The following KCNIP3 variants were observed in gnomAD, a reference collection of about 807,000 sequenced individuals.
KCNIP3 encodes calsenilin.
Under a neutral mutation model 35.0 loss-of-function variants are expected in KCNIP3, and 28 were observed. The observed-to-expected ratio is 0.80, with a 90% CI of 0.59 to 1.10. KCNIP3 has a LOEUF of 1.10. Among genes scored for constraint, KCNIP3 ranks in the 50% least tolerant of loss-of-function variants. KCNIP3 has a pLI of 0.00. For synonymous variants in KCNIP3, 134 were observed against 133.8 expected (o/e 1.00, Z -0.01); for missense variants, 295 against 338.4 (o/e 0.87, Z 1.01).
At chr2:95,327,352 C>A (rs1456848990) in intron 2 of KCNIP3, among the ~76,000 whole-genome samples, 1 of 152,140 alleles carries the variant, frequency 6.6e-6, no homozygotes, top group Non-Finnish European at 1.5e-5. Flanking sequence ...TTTTAAGAAC[C>A]CTGGATGTGC....
intron 2 of KCNIP3, among the ~76,000 whole-genome samples, chr2:95,323,626 C>T (rs542329071): frequency 9.8e-5 from 15 of 152,302 alleles, no homozygotes; most frequent in African/African-American, 2.2e-4. Context: ...CTGGCTCCAC[C>T]GCGTTTTCTG....
chr2:95,343,072 C>G (rs778984497), intron 2 of KCNIP3, among the ~76,000 whole-genome samples: 2 of 151,778 alleles, frequency 1.3e-5, no homozygotes, highest in African/African-American at 4.8e-5. Context: ...CACTGGGGAC[C>G]CATGTTGGGA....
At chr2:95,314,869 G>A (rs181244987) in intron 2 of KCNIP3, among the ~76,000 whole-genome samples, 4 of 152,338 alleles carry the variant, frequency 2.6e-5, no homozygotes, top group Admixed American at 2.0e-4. Context: ...CCCGGGCTCC[G>A]GGCTTGTTCT....
chr2:95,308,879 G>T (rs574647377), intron 1 of KCNIP3, among the ~76,000 whole-genome samples: 1 of 152,286 alleles, frequency 6.6e-6, no homozygotes, highest in Non-Finnish European at 1.5e-5. Context: ...GCTGCTTGAC[G>T]GCCCCGTCCA....
chr2:95,310,552 G>C (rs746250097), intron 2 of KCNIP3, 32 bp downstream of exon 2: 5 of 1,603,550 alleles, frequency 3.1e-6, no homozygotes, highest in Admixed American at 3.3e-5. Context: ...GGTCAAGGGT[G>C]GGGGTGGGGA....
intron 2 of KCNIP3, among the ~76,000 whole-genome samples, chr2:95,348,792 A>G (rs1679441652): frequency 6.6e-6 from 1 of 151,834 alleles, no homozygotes. Context: ...CAGTTGGGGG[A>G]GCTCAGAGCC....
rs1272154711 is a variant in KCNIP3 at position 95,378,811 on chromosome 2, C to T, written c.448-2785C>T. On this transcript the variant is annotated intron_variant, in intron 5 of 8. Coordinates refer to ENST00000295225, the MANE Select transcript of KCNIP3 (RefSeq NM_013434.5). This position sits in a 1 kb window ranked among gnomAD's most constrained non-coding sequence, Gnocchi z 4.0. ...ACACACACACATATATATATATACA[C>T]ACACACACACATATATACACACATA... Among the ~76,000 whole-genome samples, 1 of 151,418 alleles carries T rather than the reference C, an allele frequency of 6.6e-6. No individual in the cohort carries two copies. Among genetic ancestry groups the T allele is most frequent in the Non-Finnish European group, 1.5e-5 (1 of 67,912 alleles).
intron 2 of KCNIP3, among the ~76,000 whole-genome samples, chr2:95,352,622 T>A (rs571984718): frequency 6.6e-6 from 1 of 152,062 alleles, no homozygotes; most frequent in Admixed American, 6.5e-5. Context: ...CAGTGCTGTG[T>A]CCCCACATTT....
intron 2 of KCNIP3, among the ~76,000 whole-genome samples, chr2:95,332,587 G>A (rs1678959467): frequency 6.6e-6 from 1 of 152,232 alleles, no homozygotes; most frequent in African/African-American, 2.4e-5. Flanking sequence ...GAGAACAAAT[G>A]TAAGCATTAT....
intron 1 of KCNIP3, 34 bp from the exon 2 acceptor site, chr2:95,310,321 G>C: frequency 6.2e-7 from 1 of 1,612,602 alleles, no homozygotes; most frequent in Non-Finnish European, 8.5e-7. Flanking sequence ...CTCTGAGCAG[G>C]GGCTCAGGGC....
chr2:95,308,878 C>A (rs1267195521), intron 1 of KCNIP3, among the ~76,000 whole-genome samples: 1 of 152,218 alleles, frequency 6.6e-6, no homozygotes, highest in African/African-American at 2.4e-5. Flanking sequence ...AGCTGCTTGA[C>A]GGCCCCGTCC....
At chr2:95,341,795 T>A (rs923197559) in intron 2 of KCNIP3, among the ~76,000 whole-genome samples, 1 of 152,332 alleles carries the variant, frequency 6.6e-6, no homozygotes, top group African/African-American at 2.4e-5. Flanking sequence ...AAAGGTGTCA[T>A]GTGAACCCTA....
chr2:95,332,283 A>G lies in KCNIP3; in HGVS notation c.181+21763A>G, dbSNP rs551023483. Among the ~76,000 whole-genome samples the G allele has an allele frequency of 7.2e-5, 11 of 152,338 alleles. No homozygotes were observed. In the South Asian group the frequency reaches 1.9e-3, roughly 26 times the overall value. On this transcript the variant is annotated intron_variant, in intron 2 of 8. Coordinates refer to ENST00000295225, the MANE Select transcript of KCNIP3 (RefSeq NM_013434.5). ...TGCGTACCAACAGGAGAACGTATTG[A>G]TGATCTGATTTTATTCTGAGTCAAC...
intron 2 of KCNIP3, among the ~76,000 whole-genome samples, chr2:95,342,838 G>A (rs1679229247): frequency 6.6e-6 from 1 of 152,196 alleles, no homozygotes; most frequent in African/African-American, 2.4e-5. Context: ...AAGAGAAATT[G>A]ACACTGATTG....
At chr2:95,359,283 T>C (rs1186044466) in intron 2 of KCNIP3, among the ~76,000 whole-genome samples, 1 of 152,174 alleles carries the variant, frequency 6.6e-6, no homozygotes, top group Non-Finnish European at 1.5e-5. Context: ...CTGTGAAATT[T>C]AAACAAGTTA....
At chr2:95,364,596 T>C (rs1400741984) in intron 2 of KCNIP3, among the ~76,000 whole-genome samples, 4 of 152,202 alleles carry the variant, frequency 2.6e-5, no homozygotes, top group Admixed American at 2.6e-4. Context: ...CTCATGGTAA[T>C]GAGTGAGTTC....
chr2:95,342,390 T>C (rs937692748), intron 2 of KCNIP3, among the ~76,000 whole-genome samples: 1 of 152,216 alleles, frequency 6.6e-6, no homozygotes. Context: ...ACCTGGTACA[T>C]AGTAAGTGCT....
At chr2:95,343,963 T>C (rs1679281407) in intron 2 of KCNIP3, among the ~76,000 whole-genome samples, 1 of 141,536 alleles carries the variant, frequency 7.1e-6, no homozygotes, top group African/African-American at 2.7e-5. Flanking sequence ...CCCTGTCTCC[T>C]AGTCATCCTG....
At chr2:95,339,308 G>A (rs1318282663) in intron 2 of KCNIP3, among the ~76,000 whole-genome samples, 2 of 152,136 alleles carry the variant, frequency 1.3e-5, no homozygotes, top group Non-Finnish European at 2.9e-5. Context: ...GGCCAGGCAC[G>A]GTGGCTCACA....
Sources: gnomAD v4.1 joint callset for allele counts (sites outside exome capture counted in the v4.1 genomes callset) on GRCh38, gnomAD v4.1.1 for gene constraint, Gnocchi (gnomAD v3.1) non-coding constraint, MANE v1.5 for transcripts, NCBI Gene and HGNC (gene_info 2026-07-23, HGNC 2026-07-21) for gene names.